The following ZDHHC11 variants were observed in gnomAD, a reference collection of about 807,000 sequenced individuals.
ZDHHC11 encodes zDHHC palmitoyltransferase 11, also known as palmitoyltransferase ZDHHC11.
ZDHHC11 carries 44 observed loss-of-function variants against 51.3 expected under a neutral mutation model. That is an observed-to-expected ratio of 0.86 (90% CI 0.67 to 1.10). The LOEUF (loss-of-function observed/expected upper bound fraction) is 1.10. Among genes scored for constraint, ZDHHC11 ranks in the 50% least tolerant of loss-of-function variants. The pLI, the probability that ZDHHC11 is intolerant of heterozygous loss-of-function variation, is 0.00. For synonymous variants in ZDHHC11, 163 were observed against 222.0 expected (o/e 0.73, Z 2.36); for missense variants, 400 against 537.7 (o/e 0.74, Z 2.53).
intron 10 of ZDHHC11, among the ~76,000 whole-genome samples, chr5:817,396 T>C (rs986590752): frequency 4.6e-5 from 7 of 151,500 alleles, no homozygotes; most frequent in Non-Finnish European, 1.0e-4. Flanking sequence ...CCTTGAAGAA[T>C]TCAGGACACA....
At chr5:852,570 G>A (rs985121031), upstream of ZDHHC11, among the ~76,000 whole-genome samples, 3 of 151,908 alleles carry the variant, frequency 2.0e-5, no homozygotes, top group African/African-American at 7.3e-5. Flanking sequence ...ACCCCACGGA[G>A]GACAATGAGC....
chr5:837,453 T>C lies in ZDHHC11; in HGVS notation c.812A>G (p.Tyr271Cys), dbSNP rs1227678946. 13 of 1,609,518 alleles carry C rather than the reference T, an allele frequency of 8.1e-6. No individual in the cohort carries two copies. The highest frequency in any genetic ancestry group is 5.5e-5 in the South Asian group (5 of 91,004). Reference protein sequence around the residue: ...LKAKKMTTFEYLINNRKEESS... With the variant: ...LKAKKMTTFECLINNRKEESS... ...CTCTTCTTTGCGGTTATTAATGAGATACTCAAAGGTGGTCATCTTCTTGGC... is the reference window on the plus strand; with the variant it reads ...CTCTTCTTTGCGGTTATTAATGAGACACTCAAAGGTGGTCATCTTCTTGGC... The change falls in exon 6 of 13, where the codon TAT (tyrosine) becomes TGT (cysteine). Residue 271 changes from tyrosine (Y) to cysteine (C), a missense_variant. Around this residue, in one of 5 missense-constraint regions of ZDHHC11, gnomAD observed 231 missense variants for 227.4 expected, o/e 1.02. Transcript: ENST00000283441.
rs1395663862 is a variant in ZDHHC11 at position 840,533 on chromosome 5, AC to A, written c.745del (p.Val249CysfsTer13). On this transcript the variant is annotated frameshift_variant, in exon 5 of 13. Coordinates refer to ENST00000283441, the MANE Select transcript of ZDHHC11 (RefSeq NM_024786.3). LOFTEE classifies it high-confidence loss of function. ...LVLLLDFLGL[V>X]HLGQLLIFHI... is the part of the protein sequence containing the mutation. ...GAAGATGAGCAGCTGGCCCAGGTGC[AC>A]CAAGCCAAGAAAGTCCAGCAGGAGC... is the stretch of plus-strand genomic sequence containing the variant. The A allele has an allele frequency of 6.2e-7, 1 of 1,613,824 alleles. No individual in the cohort carries two copies. Among genetic ancestry groups the A allele is most frequent in the Non-Finnish European group, 8.5e-7 (1 of 1,179,868 alleles).
At chr5:856,465 G>A (rs1237573654) in intron 1 of ZDHHC11, among the ~76,000 whole-genome samples, 5 of 134,844 alleles carry the variant, frequency 3.7e-5, no homozygotes, top group Admixed American at 7.3e-5. Context: ...CACACCACAC[G>A]AAACACACGA....
upstream of ZDHHC11, among the ~76,000 whole-genome samples, chr5:851,918 T>C (rs937822806): frequency 6.6e-6 from 1 of 152,084 alleles, no homozygotes; most frequent in Non-Finnish European, 1.5e-5. Context: ...TAGCAGGGCA[T>C]GGTGGCACAT....
upstream of ZDHHC11, among the ~76,000 whole-genome samples, chr5:851,348 G>A (rs13169387): frequency 5.4e-4 from 82 of 152,018 alleles, no homozygotes; most frequent in Non-Finnish European, 1.0e-3. Context: ...GAGGGCGGCA[G>A]GGGTGGGAGG....
intron 1 of ZDHHC11, among the ~76,000 whole-genome samples, chr5:856,073 C>T (rs1227322001): frequency 6.6e-6 from 1 of 151,948 alleles, no homozygotes; most frequent in African/African-American, 2.4e-5. Flanking sequence ...TCCAGGACAG[C>T]TCCTTCCCCT....
At chr5:804,261 C>T (rs1404707202) in intron 11 of ZDHHC11, among the ~76,000 whole-genome samples, 2 of 151,272 alleles carry the variant, frequency 1.3e-5, no homozygotes, top group African/African-American at 2.4e-5. Flanking sequence ...CCACCCAGGA[C>T]ATGAATCATT....
intron 6 of ZDHHC11, among the ~76,000 whole-genome samples, chr5:836,835 C>T (rs1238094973): frequency 2.7e-5 from 4 of 149,856 alleles, no homozygotes; most frequent in African/African-American, 7.4e-5. Context: ...CCAAGGCGGG[C>T]GGATCACCTG....
At chr5:825,795 A>T (rs1372195113) in intron 7 of ZDHHC11, among the ~76,000 whole-genome samples, 1 of 152,280 alleles carries the variant, frequency 6.6e-6, no homozygotes, top group Non-Finnish European at 1.5e-5. Flanking sequence ...TCAGCTCAGG[A>T]CATGACAGCA....
chr5:819,240 C>T (rs1482410760), intron 10 of ZDHHC11, among the ~76,000 whole-genome samples: 2 of 151,602 alleles, frequency 1.3e-5, no homozygotes, highest in African/African-American at 2.4e-5. Context: ...TCAGAGCCTG[C>T]CCTGGGCATC....
intron 11 of ZDHHC11, among the ~76,000 whole-genome samples, chr5:802,743 G>T (rs1275292736): frequency 7.0e-6 from 1 of 141,862 alleles, no homozygotes; most frequent in East Asian, 2.1e-4. Context: ...GGAGACCGAG[G>T]TGGGTGGATC....
In ZDHHC11 at chr5:817,748, C is replaced by T. The variant is rs151064416; in HGVS notation, c.1146+1777G>A. ...GCTGCTGCAGCACACTCATTACACA[C>T]CCTTCCATGTCTCCCCATTGCCTCA... On this transcript the variant is annotated intron_variant, in intron 10 of 12. Coordinates refer to ENST00000283441, the MANE Select transcript of ZDHHC11 (RefSeq NM_024786.3). 2.8e-4 allele frequency among the ~76,000 whole-genome samples: 43 copies of T among 151,306 alleles called. 1 individual carries two copies. The highest frequency in any genetic ancestry group is 5.8e-4 in the Non-Finnish European group (39 of 67,644).
intron 3 of ZDHHC11, among the ~76,000 whole-genome samples, chr5:845,366 G>A (rs142589692): frequency 0.033 from 5,060 of 151,924 alleles, 115 homozygotes; most frequent in Non-Finnish European, 0.048. Flanking sequence ...GAAAGAAGGC[G>A]GGTCTCTAAG....
At chr5:799,004 G>A (rs144114539) in intron 12 of ZDHHC11, among the ~76,000 whole-genome samples, 14,512 of 134,502 alleles carry the variant, frequency 0.11, 450 homozygotes, top group African/African-American at 0.24. Flanking sequence ...TCTTGTTTCA[G>A]TCACTAATCA....
chr5:849,398 A>AT (rs1386157469), intron 1 of ZDHHC11, among the ~76,000 whole-genome samples: 3 of 152,064 alleles, frequency 2.0e-5, no homozygotes, highest in African/African-American at 7.2e-5. Flanking sequence ...TGCAGCCCCA[A>AT]AGGCCCTGGA....
At chr5:841,908 C>T in intron 4 of ZDHHC11, 1 of 989,248 alleles carries the variant, frequency 1.0e-6, no homozygotes, top group Non-Finnish European at 1.2e-6. Context: ...AACTGGTGGC[C>T]TCGGGGCCAT....
intron 11 of ZDHHC11, among the ~76,000 whole-genome samples, chr5:812,901 T>C (rs1740279676): frequency 6.7e-6 from 1 of 149,702 alleles, no homozygotes; most frequent in Admixed American, 6.7e-5. Flanking sequence ...ATCTATGCCA[T>C]ATTGTTGAAG....
intron 12 of ZDHHC11, among the ~76,000 whole-genome samples, chr5:797,776 C>T (rs1737804753): frequency 6.6e-6 from 1 of 151,508 alleles, no homozygotes; most frequent in African/African-American, 2.4e-5. Context: ...GCTTCTCACT[C>T]AGTGCTTTAT....
Sources: gnomAD v4.1 joint callset for allele counts (sites outside exome capture counted in the v4.1 genomes callset) on GRCh38, gnomAD v4.1.1 for gene constraint, gnomAD v4.1.1 regional missense constraint, MANE v1.5 for transcripts, NCBI Gene and HGNC (gene_info 2026-07-23, HGNC 2026-07-21) for gene names.